OPCML: variants seen among roughly 807,000 people sequenced by gnomAD.
OPCML encodes the protein opioid binding protein/cell adhesion molecule like, also known as opioid-binding protein/cell adhesion molecule.
A neutral mutation model predicts 37.8 loss-of-function variants in OPCML; 13 were observed. The ratio of observed to expected loss-of-function variants is 0.34; its 90% CI spans 0.22 to 0.55. The LOEUF (loss-of-function observed/expected upper bound fraction) is 0.55, where lower values mean the gene tolerates loss of function less well. OPCML is among the 20% of genes least tolerant of loss of function. OPCML has a pLI of 0.91. For synonymous variants in OPCML, 176 were observed against 168.8 expected, an observed-to-expected ratio of 1.04 and a Z score of -0.33; for missense variants, 341 against 435.6, an observed-to-expected ratio of 0.78 and a Z score of 1.93.
At chr11:132,779,984 T>C (rs149434108) in intron 2 of OPCML, among the ~76,000 whole-genome samples, 1 of 152,324 alleles carries the variant, frequency 6.6e-6, no homozygotes, top group African/African-American at 2.4e-5. Flanking sequence ...ATTTAGGAGC[T>C]GCTGCTCTGA....
chr11:133,376,885 A>T (rs192533362), intron 1 of OPCML, among the ~76,000 whole-genome samples: 278 of 152,360 alleles, frequency 1.8e-3, no homozygotes, highest in Non-Finnish European at 3.5e-3. Flanking sequence ...ATGTCGGTGT[A>T]ACCCAGTACA....
intron 1 of OPCML, chr11:133,418,253 AAGGTCAACACCATTCT>A (rs1945810199): frequency 1.0e-6 from 1 of 985,336 alleles, no homozygotes; most frequent in Non-Finnish European, 1.2e-6. Context: ...GGCCAAGTAC[AAGGTCAACACCATTCT>A]AGAGTGACAT....
At chr11:132,630,792 T>C (rs935262042) in intron 3 of OPCML, among the ~76,000 whole-genome samples, 1 of 152,192 alleles carries the variant, frequency 6.6e-6, no homozygotes, top group Non-Finnish European at 1.5e-5. Flanking sequence ...ATAGGAACGA[T>C]GTCCACAAAA....
intron 2 of OPCML, among the ~76,000 whole-genome samples, chr11:132,796,605 G>A (rs1404037372): frequency 1.0e-4 from 12 of 116,692 alleles, no homozygotes; most frequent in Admixed American, 3.8e-4. Flanking sequence ...ACGGAGCCTC[G>A]CTCTGTCACC....
intron 4 of OPCML, among the ~76,000 whole-genome samples, chr11:132,447,219 C>T (rs1046111777): frequency 6.6e-6 from 1 of 152,320 alleles, no homozygotes; most frequent in South Asian, 2.1e-4. Flanking sequence ...TCAGGAATGC[C>T]TTTGTTGTTT....
intron 1 of OPCML, among the ~76,000 whole-genome samples, chr11:133,122,473 C>A (rs1486558879): frequency 6.6e-6 from 1 of 152,096 alleles, no homozygotes; most frequent in Non-Finnish European, 1.5e-5. Flanking sequence ...AGTTGTCAGG[C>A]ACTTCTGGGC....
chr11:132,548,915 A>G (rs939528984), intron 3 of OPCML, among the ~76,000 whole-genome samples: 4 of 152,238 alleles, frequency 2.6e-5, no homozygotes, highest in African/African-American at 7.2e-5. Context: ...TTGTATACAA[A>G]GAGACAATAT....
chr11:133,360,105 AGGAAC>A (rs1944380513), intron 1 of OPCML: 1 of 152,260 alleles, frequency 6.6e-6, no homozygotes, highest in African/African-American at 2.4e-5. Context: ...GCACCGTGCT[AGGAAC>A]TTAACATCAA....
intron 2 of OPCML, among the ~76,000 whole-genome samples, chr11:132,705,761 G>GA (rs1414965570): frequency 2.0e-5 from 3 of 152,092 alleles, no homozygotes; most frequent in Non-Finnish European, 4.4e-5. Context: ...AAAGCCTGCA[G>GA]AACTGTGAAC....
chr11:133,348,820 C>A (rs1944061108), intron 1 of OPCML, among the ~76,000 whole-genome samples: 1 of 152,016 alleles, frequency 6.6e-6, no homozygotes. Context: ...GATATTTATA[C>A]CGTAATTATG....
chr11:133,421,822 A>G, intron 1 of OPCML: 3 of 963,856 alleles, frequency 3.1e-6, no homozygotes, highest in Non-Finnish European at 3.7e-6. Flanking sequence ...CAGGCACCAC[A>G]GAGCAGAAAC....
In OPCML at chr11:132,914,989, G is replaced by A. The variant is rs147908776; in HGVS notation, c.146+27937C>T. On this transcript the variant is annotated intron_variant, in intron 2 of 7. Transcript: ENST00000524381. The stretch of plus-strand genomic sequence containing the variant: ...TGCCCTCCAGGTCTGACAACCTTGC[G>A]GCCTGTGCAAGAGCTTTGTTCTTCT... Among the ~76,000 whole-genome samples, 24 of 152,228 alleles carry A rather than the reference G, an allele frequency of 1.6e-4. No homozygotes were observed. In the East Asian group the frequency reaches 2.5e-3, roughly 16 times the overall value.
chr11:133,204,235 A>G (rs1938935908), intron 1 of OPCML, among the ~76,000 whole-genome samples: 1 of 152,216 alleles, frequency 6.6e-6, no homozygotes, highest in Admixed American at 6.5e-5. Flanking sequence ...TGTCAAATTA[A>G]AAGAAAACCA....
At chr11:132,487,949 C>T (rs988303159) in intron 4 of OPCML, among the ~76,000 whole-genome samples, 7 of 152,206 alleles carry the variant, frequency 4.6e-5, no homozygotes, top group African/African-American at 1.7e-4. Flanking sequence ...ACTCTATCCT[C>T]TCCTCACTGC....
At chr11:133,311,880 A>G (rs962533857) in intron 1 of OPCML, among the ~76,000 whole-genome samples, 2 of 152,206 alleles carry the variant, frequency 1.3e-5, no homozygotes, top group African/African-American at 4.8e-5. Flanking sequence ...CAGAAGTGTC[A>G]CAGTGCTTCT....
At chr11:132,617,618 T>C (rs542480155) in intron 3 of OPCML, among the ~76,000 whole-genome samples, 2 of 152,194 alleles carry the variant, frequency 1.3e-5, no homozygotes, top group Non-Finnish European at 2.9e-5. Flanking sequence ...ACAGGCTGAG[T>C]GCCTTGAACA....
intron 4 of OPCML, 81 bp downstream of exon 4, chr11:132,528,980 G>T: frequency 1.3e-6 from 1 of 751,652 alleles, no homozygotes; most frequent in South Asian, 2.2e-5. Flanking sequence ...AATGTTTTCT[G>T]ATTCCTGAAG....
chr11:132,829,448 C>T (rs932802416), intron 2 of OPCML, among the ~76,000 whole-genome samples: 11 of 152,260 alleles, frequency 7.2e-5, no homozygotes, highest in African/African-American at 2.6e-4. Context: ...GATGGAAACG[C>T]GGGCAAGGAC....
intron 4 of OPCML, among the ~76,000 whole-genome samples, chr11:132,456,540 A>G (rs1015543438): frequency 6.6e-6 from 1 of 152,334 alleles, no homozygotes; most frequent in Middle Eastern, 3.4e-3. Flanking sequence ...AAATAGCTGA[A>G]AAGACTTCTT....
Sources: gnomAD v4.1 joint callset for allele counts (sites outside exome capture counted in the v4.1 genomes callset) on GRCh38, gnomAD v4.1.1 for gene constraint, MANE v1.5 for transcripts, NCBI Gene and HGNC (gene_info 2026-07-23, HGNC 2026-07-21) for gene names.